Variants in ASPM observed in about 807,000 individuals in gnomAD.
The protein encoded by ASPM is assembly factor for spindle microtubules.
Under a neutral mutation model 366.4 loss-of-function variants are expected in ASPM, and 256 were observed. The observed-to-expected ratio is 0.70, with a 90% CI of 0.63 to 0.77. ASPM has a LOEUF of 0.77. Among genes scored for constraint, ASPM ranks in the 30% least tolerant of loss-of-function variants. The probability of loss-of-function intolerance (pLI) is 0.00; values close to 1 mark genes in which losing one functional copy is unlikely to be tolerated. For missense variants in ASPM, 4,146 were observed against 4,090.4 expected, an observed-to-expected ratio of 1.01 and a Z score of -0.37; for synonymous variants, 1,414 against 1,342.9, an observed-to-expected ratio of 1.05 and a Z score of -1.16.
At chr1:197,114,067 AG>A (rs1472866570) in intron 17 of ASPM, among the ~76,000 whole-genome samples, 1 of 152,124 alleles carries the variant, frequency 6.6e-6, no homozygotes, top group Non-Finnish European at 1.5e-5. Context: ...AAGATATTGT[AG>A]GTTCAGTTCC....
In ASPM at chr1:197,086,889, T is replaced by G. The variant is rs746897327; in HGVS notation, c.10245A>C (p.Glu3415Asp). 5.6e-6 allele frequency: 9 copies of G among 1,611,424 alleles called. No individual in the cohort carries two copies. The African/African-American group carries it at 1.2e-4, about 22-fold the overall frequency. Residue 3415 changes from glutamate to aspartate, a missense_variant, in exon 27 of 28, where the codon GAA becomes GAC. By Grantham distance (45) the Glu-to-Asp change is conservative. Around this residue, in one of 3 missense-constraint regions of ASPM, gnomAD observed 3,624 missense variants for 3,591.7 expected, o/e 1.01. Transcript: ENST00000367409. ...LTAHKHKMNTERILYKQKKNS... is the reference protein window; with the variant it reads ...LTAHKHKMNTDRILYKQKKNS... ...TCTTCTTTTGCTTGTAAAGTATTCTTTCAGTATTCATTTTATGTTTATGAG... is the reference window on the plus strand; with the variant it reads ...TCTTCTTTTGCTTGTAAAGTATTCTGTCAGTATTCATTTTATGTTTATGAG...
At chr1:197,130,986 T>A (rs893720346) in intron 7 of ASPM, among the ~76,000 whole-genome samples, 2 of 152,186 alleles carry the variant, frequency 1.3e-5, no homozygotes, top group Admixed American at 6.5e-5. Context: ...AAAAGCTATG[T>A]CCCAAATATG....
intron 16 of ASPM, among the ~76,000 whole-genome samples, chr1:197,119,509 T>C (rs1360478176): frequency 6.6e-6 from 1 of 152,128 alleles, no homozygotes; most frequent in African/African-American, 2.4e-5. Flanking sequence ...CAACTTTACA[T>C]GCCATTAGAG....
Position 197,104,495 on chromosome 1 carries a change from T to C in ASPM, c.4756A>G (p.Ile1586Val), listed in dbSNP as rs757724809. Residue 1586 changes from isoleucine to valine, a missense_variant, in exon 18 of 28, where the codon ATT (isoleucine) becomes GTT (valine). Ile to Val is a conservative substitution (Grantham distance 29). Around this residue, in one of 3 missense-constraint regions of ASPM, gnomAD observed 3,624 missense variants for 3,591.7 expected, o/e 1.01. Transcript: ENST00000367409. ...RVRFLNLKKTIIKFQAHVRKH... is the reference protein window; with the variant it reads ...RVRFLNLKKTVIKFQAHVRKH... ...CTTACATGTGCCTGAAATTTGATAA[T>C]AGTCTTCTTAAGGTTTAAAAATCGA... is the stretch of plus-strand genomic sequence containing the variant. 10 of 1,612,568 alleles carry C rather than the reference T, an allele frequency of 6.2e-6. No individual in the cohort carries two copies. The highest frequency in any genetic ancestry group is 5.3e-5 in the African/African-American group (4 of 74,832).
chr1:197,112,502 GC>G (rs970385994), intron 17 of ASPM, among the ~76,000 whole-genome samples: 2 of 151,886 alleles, frequency 1.3e-5, no homozygotes, highest in African/African-American at 4.8e-5. Flanking sequence ...AATATATTGG[GC>G]CCCCCAAATC....
intron 17 of ASPM, among the ~76,000 whole-genome samples, chr1:197,110,834 T>C (rs1657560519): frequency 6.6e-6 from 1 of 151,928 alleles, no homozygotes; most frequent in African/African-American, 2.4e-5. Flanking sequence ...TTTGACATAG[T>C]TGACAATAAC....
At chr1:197,118,251 A>G (rs1315896708) in intron 16 of ASPM, among the ~76,000 whole-genome samples, 2 of 152,120 alleles carry the variant, frequency 1.3e-5, no homozygotes, top group Non-Finnish European at 2.9e-5. Flanking sequence ...TCTATCACAG[A>G]TCCTCAGTAA....
In ASPM at chr1:197,139,816, A is replaced by G. The variant is rs17550662; in HGVS notation, c.1977T>C (p.Ile659=). Residue 659 remains isoleucine, a synonymous_variant, in exon 4 of 28, where the codon ATT becomes ATC. Transcript: ENST00000367409. ...ISKTNKRTKP[I]IAVAQSSLTF... ...TCAAACTGGACTGTGCCACAGCGAT[A>G]ATGGGTTTTGTCCTTTTGTTTGTTT... 85,452 of 1,611,814 alleles carry G rather than the reference A, an allele frequency of 0.053. 2,723 individuals are homozygous for G. Among genetic ancestry groups the G allele is most frequent in the Non-Finnish European group, 0.061 (72,213 of 1,177,982 alleles).
At chr1:197,136,579 C>T (rs1658426452) in intron 4 of ASPM, among the ~76,000 whole-genome samples, 1 of 151,916 alleles carries the variant, frequency 6.6e-6, no homozygotes, top group Admixed American at 6.6e-5. Flanking sequence ...AATGTTATAA[C>T]TCTAGGATGT....
rs1220559093 is a variant in ASPM, at chr1:197,103,267, TTTTTCATGA to T, written c.5975_5983del (p.Ile1992_Lys1994del). On this transcript the variant is annotated inframe_deletion, in exon 18 of 28. Coordinates refer to ENST00000367409, the MANE Select transcript of ASPM (RefSeq NM_018136.5). ...ATACTTTTGAATCAGAAGAGCAGCT[TTTTTCATGA>T]TTTTCCACTTCTTTTGTTGCACATG... 9 of 1,612,940 alleles carry T rather than the reference TTTTTCATGA, an allele frequency of 5.6e-6. No homozygotes were observed. In the East Asian group the frequency reaches 1.1e-4, roughly 20 times the overall value.
In ASPM at chr1:197,090,328, G is replaced by A. The variant is rs199422194; in HGVS notation, c.9697C>T (p.Arg3233Ter). 12 of 1,612,486 alleles carry A rather than the reference G, an allele frequency of 7.4e-6. No homozygotes were observed. The highest frequency in any genetic ancestry group is 4.4e-5 in the South Asian group (4 of 91,028). The change falls in exon 24 of 28, where the codon CGA becomes TGA. Residue 3233 changes from arginine to a stop codon, truncating the protein, a stop_gained. Coordinates refer to ENST00000367409, the MANE Select transcript of ASPM (RefSeq NM_018136.5). LOFTEE classifies it high-confidence loss of function. ...KNDCTKIKAI[R>*]LSLQVVNREI... ...CTATTAACAACTTGAAGACTTAGTC[G>A]TATAGCTTTAATTTTTGTACAATCA...
At chr1:197,130,302 G>A (rs1023897787) in intron 7 of ASPM, among the ~76,000 whole-genome samples, 1 of 152,092 alleles carries the variant, frequency 6.6e-6, no homozygotes, top group African/African-American at 2.4e-5. Context: ...ATCATCTGAC[G>A]AGCAACATTC....
chr1:197,134,518 C>T (rs1178463953), intron 5 of ASPM, among the ~76,000 whole-genome samples: 1 of 152,178 alleles, frequency 6.6e-6, no homozygotes, highest in Non-Finnish European at 1.5e-5. Context: ...AAAAGTTAGC[C>T]TATATGATGA....
intron 23 of ASPM, 122 bp downstream of exon 23, chr1:197,090,728 G>A: frequency 1.1e-6 from 1 of 899,978 alleles, no homozygotes; most frequent in Non-Finnish European, 1.7e-6. Flanking sequence ...GTGCTTATGA[G>A]TTATTCTACC....
At chr1:197,094,232 G>T in intron 19 of ASPM, 52 bp from the exon 20 acceptor site, 2 of 1,074,014 alleles carry the variant, frequency 1.9e-6, no homozygotes, top group South Asian at 1.3e-5. Flanking sequence ...CTTATTCAAT[G>T]AGTATTTATT....
chr1:197,118,097 AC>A, intron 16 of ASPM, 114 bp from the exon 17 acceptor site: 1 of 975,002 alleles, frequency 1.0e-6, no homozygotes, highest in Non-Finnish European at 1.6e-6. Flanking sequence ...GAAATAAAAC[AC>A]CCCTACACTT....
At chr1:197,090,164 A>C in intron 24 of ASPM, 32 bp downstream of exon 24, 1 of 1,612,366 alleles carries the variant, frequency 6.2e-7, no homozygotes. Flanking sequence ...GTAGTATTAC[A>C]TCATTCTTTA....
chr1:197,139,621 C>T, intron 4 of ASPM, 146 bp downstream of exon 4: 1 of 733,728 alleles, frequency 1.4e-6, no homozygotes, highest in Non-Finnish European at 2.4e-6. Context: ...AAAGTTGACA[C>T]AATATCCTGT....
chr1:197,112,423 T>A (rs1287969390), intron 17 of ASPM, among the ~76,000 whole-genome samples: 2 of 151,998 alleles, frequency 1.3e-5, no homozygotes, highest in East Asian at 3.9e-4. Context: ...GGCTTAATAC[T>A]TGGGTGACAA....
Sources: allele counts gnomAD v4.1 joint callset (sites outside exome capture counted in the v4.1 genomes callset), GRCh38; gene constraint gnomAD v4.1.1; regional missense constraint gnomAD v4.1.1; transcripts MANE v1.5; gene names NCBI Gene and HGNC (gene_info 2026-07-23, HGNC 2026-07-21).